The following RFX6 variants were observed in gnomAD, a reference collection of about 807,000 sequenced individuals.
RFX6 encodes the protein DNA-binding protein RFX6.
A neutral mutation model predicts 110.8 loss-of-function variants in RFX6; 50 were observed. The observed-to-expected ratio is 0.45, with a 90% confidence interval of 0.36 to 0.57. The LOEUF (loss-of-function observed/expected upper bound fraction) is 0.57, where lower values mean the gene tolerates loss of function less well. Among genes scored for constraint, RFX6 ranks in the 20% least tolerant of loss-of-function variants. The pLI is 0.00. For missense variants in RFX6, 990 were observed against 1,127.0 expected (o/e 0.88, Z 1.74); for synonymous variants, 383 against 411.2 (o/e 0.93, Z 0.83).
At chr6:116,927,930 A>G (rs1410211264) in intron 17 of RFX6, among the ~76,000 whole-genome samples, 2 of 151,342 alleles carry the variant, frequency 1.3e-5, no homozygotes, top group African/African-American at 4.9e-5. Flanking sequence ...TTTTCTAGAG[A>G]CAAAGTCTCA....
intron 6 of RFX6, among the ~76,000 whole-genome samples, chr6:116,904,298 ACTT>A (rs1046522998): frequency 1.3e-5 from 2 of 151,890 alleles, no homozygotes; most frequent in African/African-American, 2.4e-5. Context: ...GTTGTAAATA[ACTT>A]CTTCCTGTTA....
chr6:116,929,660 T>G (rs913906235), intron 18 of RFX6, among the ~76,000 whole-genome samples: 1 of 152,170 alleles, frequency 6.6e-6, no homozygotes, highest in Non-Finnish European at 1.5e-5. Flanking sequence ...TAACATAGAT[T>G]TAGTCACTAT....
chr6:116,918,037 G>T lies in RFX6; in HGVS notation c.973G>T (p.Val325Phe). 1 of 1,603,240 alleles carries T rather than the reference G, an allele frequency of 6.2e-7. No homozygotes were observed. Among genetic ancestry groups the T allele is most frequent in the Non-Finnish European group, 8.5e-7 (1 of 1,171,258 alleles). Residue 325 changes from valine (V) to phenylalanine (F), a missense_variant and splice_region_variant, in exon 10 of 19, where the codon GTT (valine) becomes TTT (phenylalanine). Physicochemically the swap from Val to Phe is conservative, Grantham distance 50. Around this residue, in one of 5 missense-constraint regions of RFX6, gnomAD observed 243 missense variants for 353.1 expected, o/e 0.69. Coordinates refer to ENST00000332958, the MANE Select transcript of RFX6 (RefSeq NM_173560.4). ...FCVCDSILYK[V>F]LTDVLIPATM... ...ATTAACCTCTTTTGCTATGATTAAG[G>T]TTCTTACAGATGTACTCATTCCTGC...
At chr6:116,891,781 TA>T (rs1774835983) in intron 4 of RFX6, among the ~76,000 whole-genome samples, 1 of 152,194 alleles carries the variant, frequency 6.6e-6, no homozygotes, top group South Asian at 2.1e-4. Flanking sequence ...GCTCCTTTGG[TA>T]AAGTCTTTAT....
chr6:116,904,349 A>C (rs1775147551), intron 6 of RFX6, among the ~76,000 whole-genome samples: 1 of 151,984 alleles, frequency 6.6e-6, no homozygotes, highest in African/African-American at 2.4e-5. Context: ...CTTTTGATGA[A>C]GATTTTTATT....
chr6:116,905,303 G>A (rs554878034), intron 6 of RFX6, among the ~76,000 whole-genome samples: 1 of 152,168 alleles, frequency 6.6e-6, no homozygotes, highest in South Asian at 2.1e-4. Flanking sequence ...GTAACATTGA[G>A]CATATTTTAA....
intron 4 of RFX6, among the ~76,000 whole-genome samples, chr6:116,893,189 A>G (rs1488826209): frequency 6.6e-6 from 1 of 152,208 alleles, no homozygotes; most frequent in Non-Finnish European, 1.5e-5. Flanking sequence ...GACTGACCAC[A>G]GAAAGCAGAT....
chr6:116,888,740 C>A (rs1351646922), intron 4 of RFX6, among the ~76,000 whole-genome samples: 1 of 152,122 alleles, frequency 6.6e-6, no homozygotes. Flanking sequence ...ACCAGCATAT[C>A]TTCTTGTTAT....
chr6:116,896,581 T>A (rs1322336581), intron 6 of RFX6, among the ~76,000 whole-genome samples: 2 of 73,886 alleles, frequency 2.7e-5, no homozygotes, highest in African/African-American at 1.1e-4. Flanking sequence ...GATGTATGCC[T>A]GTAATCCCAG....
intron 4 of RFX6, among the ~76,000 whole-genome samples, chr6:116,882,779 G>C (rs895805260): frequency 1.3e-5 from 2 of 152,108 alleles, no homozygotes; most frequent in African/African-American, 4.8e-5. Context: ...GAGTAGGAAG[G>C]AAGTGCCTTA....
At chr6:116,917,338 G>GTTTTTT (rs5879394) in intron 9 of RFX6, among the ~76,000 whole-genome samples, 3 of 139,218 alleles carry the variant, frequency 2.2e-5, no homozygotes, top group Admixed American at 7.2e-5. Flanking sequence ...GGATTGTCTT[G>GTTTTTT]TTTTTTTTTT....
At position 116,910,931 on chromosome 6, in the gene RFX6, A is replaced by T. The variant is rs904003203; in HGVS notation, c.673-4A>T. On this transcript the variant is annotated splice_polypyrimidine_tract_variant and splice_region_variant and intron_variant, in intron 6 of 18. Transcript: ENST00000332958. ...GTATTTGTTTTCATTTTTCTAAATT[A>T]TAGGGTGGCTTCACTCGTAAATATT... The T allele has an allele frequency of 2.5e-6, 4 of 1,601,946 alleles. No individual in the cohort carries two copies. Among genetic ancestry groups the T allele is most frequent in the Non-Finnish European group, 3.4e-6 (4 of 1,168,944 alleles).
intron 4 of RFX6, among the ~76,000 whole-genome samples, chr6:116,887,154 T>G (rs1774716283): frequency 6.6e-6 from 1 of 152,008 alleles, no homozygotes; most frequent in African/African-American, 2.4e-5. Context: ...TATCATCCAC[T>G]GTCAAAATTA....
intron 12 of RFX6, among the ~76,000 whole-genome samples, chr6:116,921,250 TTTAATAAAA>T (rs1303075878): frequency 2.0e-5 from 3 of 152,198 alleles, no homozygotes; most frequent in African/African-American, 7.2e-5. Flanking sequence ...CCTTAAAACC[TTTAATAAAA>T]GGATAGTCTT....
At chr6:116,885,344 G>T (rs527555181) in intron 4 of RFX6, among the ~76,000 whole-genome samples, 2 of 152,168 alleles carry the variant, frequency 1.3e-5, no homozygotes, top group East Asian at 3.9e-4. Flanking sequence ...GCTTTCAACC[G>T]CACTATCCTT....
chr6:116,920,566 C>A, intron 12 of RFX6, 112 bp downstream of exon 12: 1 of 911,932 alleles, frequency 1.1e-6, no homozygotes, highest in Non-Finnish European at 1.8e-6. Context: ...GGATGTTTAG[C>A]AGCATCCTTG....
intron 2 of RFX6, among the ~76,000 whole-genome samples, chr6:116,878,933 T>G (rs1448871434): frequency 6.6e-6 from 1 of 151,952 alleles, no homozygotes; most frequent in Non-Finnish European, 1.5e-5. Context: ...AATATTCATC[T>G]AAAGTTGGAG....
At position 116,925,508 on chromosome 6, in the gene RFX6, T is replaced by C. The variant is rs1375130783; in HGVS notation, c.1734T>C (p.Arg578=). 2 of 1,614,154 alleles carry C rather than the reference T, an allele frequency of 1.2e-6. No individual in the cohort carries two copies. The highest frequency in any genetic ancestry group is 8.5e-7 in the Non-Finnish European group (1 of 1,179,992). Residue 578 remains arginine (R), a synonymous_variant, in exon 16 of 19, where the codon CGT becomes CGC. Coordinates refer to ENST00000332958, the MANE Select transcript of RFX6 (RefSeq NM_173560.4). ...ASPSSCFLAN[R]NKGSMVSSDA... is the part of the protein sequence containing the mutation. The stretch of plus-strand genomic sequence containing the variant: ...CGAGTTCATGCTTTCTGGCCAACCG[T>C]AATAAAGGGAGCATGGTTTCCAGCG...
chr6:116,922,479 G>A lies in RFX6; in HGVS notation c.1437+328G>A, dbSNP rs369020319. On this transcript the variant is annotated intron_variant, in intron 13 of 18. Coordinates refer to ENST00000332958, the MANE Select transcript of RFX6 (RefSeq NM_173560.4). ...CTTAGAAACTGGAATGATCTGGCCC[G>A]TTTCTAAAAAGCAAGATTTCATAAA... Among the ~76,000 whole-genome samples the A allele has an allele frequency of 1.6e-3, 243 of 152,182 alleles. 5 individuals are homozygous for A. Among genetic ancestry groups the A allele is most frequent in the African/African-American group, 5.5e-3 (229 of 41,532 alleles).
Sources: allele counts gnomAD v4.1 joint callset (sites outside exome capture counted in the v4.1 genomes callset), GRCh38; gene constraint gnomAD v4.1.1; regional missense constraint gnomAD v4.1.1; transcripts MANE v1.5; gene names NCBI Gene and HGNC (gene_info 2026-07-23, HGNC 2026-07-21).